SLC16A1: variants seen among roughly 807,000 people sequenced by gnomAD.
The protein encoded by SLC16A1 is monocarboxylate transporter 1.
Under a neutral mutation model 32.2 loss-of-function variants are expected in SLC16A1, and 11 were observed. The ratio of observed to expected loss-of-function variants is 0.34; its 90% confidence interval spans 0.21 to 0.56. The LOEUF is 0.56. Ranked by LOEUF, SLC16A1 falls within the 20% of genes least tolerant of loss-of-function variation. The probability of loss-of-function intolerance (pLI) is 0.87; values close to 1 mark genes in which losing one functional copy is unlikely to be tolerated. For missense variants in SLC16A1, 435 were observed against 615.0 expected (o/e 0.71, Z 3.10); for synonymous variants, 231 against 226.8 (o/e 1.02, Z -0.17).
intron 2 of SLC16A1, chr1:112,923,594 T>C: frequency 7.2e-7 from 1 of 1,379,800 alleles, no homozygotes; most frequent in Non-Finnish European, 1.0e-6. Context: ...ATCCATTGTT[T>C]GGGAACTCCC....
At chr1:112,926,316 C>A (rs1248966171) in intron 2 of SLC16A1, among the ~76,000 whole-genome samples, 1 of 152,214 alleles carries the variant, frequency 6.6e-6, no homozygotes, top group African/African-American at 2.4e-5. Context: ...CGTTGCCAGG[C>A]GCAGTGGCTC....
At chr1:112,925,433 G>A (rs1648906651) in intron 2 of SLC16A1, among the ~76,000 whole-genome samples, 1 of 151,600 alleles carries the variant, frequency 6.6e-6, no homozygotes, top group South Asian at 2.1e-4. Flanking sequence ...AGGCTGGAAT[G>A]CAGTGGTACT....
Position 112,914,135 on chromosome 1 carries a change from T to C in SLC16A1, c.1259A>G (p.Lys420Arg), listed in dbSNP as rs772177840. Residue 420 changes from lysine (K) to arginine (R), a missense_variant, in exon 5 of 5, where the codon AAA (lysine) becomes AGA (arginine). Lys to Arg is a conservative substitution (Grantham distance 26). Transcript: ENST00000369626. ...GRLNDMYGDYKYTYWACGVVL... is the reference protein window; with the variant it reads ...GRLNDMYGDYRYTYWACGVVL... ...GACGCCACATGCCCAGTATGTGTAT[T>C]TGTAGTCTCCATACATGTCATTGAG... 1.2e-6 allele frequency: 2 copies of C among 1,614,230 alleles called. No homozygotes were observed. The highest frequency in any genetic ancestry group is 1.3e-5 in the African/African-American group (1 of 75,068).
chr1:112,925,762 T>G (rs1648917711), intron 2 of SLC16A1, among the ~76,000 whole-genome samples: 1 of 152,226 alleles, frequency 6.6e-6, no homozygotes, highest in South Asian at 2.1e-4. Context: ...GAAAGTCTTA[T>G]CCAAACATAG....
At chr1:112,921,512 AT>A (rs1318428222) in intron 3 of SLC16A1, among the ~76,000 whole-genome samples, 2 of 152,210 alleles carry the variant, frequency 1.3e-5, no homozygotes, top group African/African-American at 4.8e-5. Flanking sequence ...ACATGGAAGG[AT>A]ATACATAGAA....
At chr1:112,936,716 G>T (rs899147849) in intron 1 of SLC16A1, among the ~76,000 whole-genome samples, 3 of 152,088 alleles carry the variant, frequency 2.0e-5, no homozygotes, top group African/African-American at 4.8e-5. Flanking sequence ...TTTGTAGTGG[G>T]AGTAAAAGGC....
chr1:112,952,107 G>A (rs1287418118), intron 1 of SLC16A1, among the ~76,000 whole-genome samples: 1 of 152,066 alleles, frequency 6.6e-6, no homozygotes, highest in Non-Finnish European at 1.5e-5. Flanking sequence ...AACTAAATTT[G>A]TTCAGTCTTC....
intron 1 of SLC16A1, among the ~76,000 whole-genome samples, chr1:112,938,153 G>A (rs1201268978): frequency 6.6e-6 from 1 of 152,178 alleles, no homozygotes. Context: ...TGACCAGTTT[G>A]TGAACTTAAA....
At chr1:112,923,413 TGCC>T (rs753882919) in intron 2 of SLC16A1, 192 of 654,630 alleles carry the variant, frequency 2.9e-4, no homozygotes, top group Non-Finnish European at 4.6e-4. Flanking sequence ...AGTCTCCTGT[TGCC>T]GCCATCATGT....
In SLC16A1 at chr1:112,917,121, C is replaced by G. The variant is rs761231232; in HGVS notation, c.1228+57G>C. 1.2e-6 allele frequency: 2 copies of G among 1,609,636 alleles called. No individual in the cohort carries two copies. Among genetic ancestry groups the G allele is most frequent in the East Asian group, 4.5e-5 (2 of 44,874 alleles). ...CTAATGTTTGCTTTCTGTCAGCATTCCCATCTTACATGCTTGTTTTGTAAT... is the reference window on the plus strand; with the variant it reads ...CTAATGTTTGCTTTCTGTCAGCATTGCCATCTTACATGCTTGTTTTGTAAT... On this transcript the variant is annotated intron_variant, in intron 4 of 4. Transcript: ENST00000369626. This position sits in a 1 kb window ranked among gnomAD's most constrained non-coding sequence, Gnocchi z 4.1.
chr1:112,949,197 G>C (rs971742676), intron 1 of SLC16A1, among the ~76,000 whole-genome samples: 2 of 151,956 alleles, frequency 1.3e-5, no homozygotes, highest in Admixed American at 1.3e-4. Context: ...TTACAGGCAT[G>C]CGTCACCATG....
intron 2 of SLC16A1, among the ~76,000 whole-genome samples, chr1:112,925,483 A>G (rs1009400405): frequency 6.6e-6 from 1 of 151,874 alleles, no homozygotes; most frequent in Non-Finnish European, 1.5e-5. Context: ...GGGCTCATTC[A>G]ATCTGCCTGC....
chr1:112,942,252 G>T (rs1056990730), intron 1 of SLC16A1, among the ~76,000 whole-genome samples: 3 of 152,204 alleles, frequency 2.0e-5, no homozygotes, highest in African/African-American at 7.2e-5. Context: ...GATTACAGGC[G>T]TGAGCCACTG....
Position 112,923,311 on chromosome 1 carries a change from A to C in SLC16A1, c.218-1178T>G, listed in dbSNP as rs1020001350. The stretch of plus-strand genomic sequence containing the variant: ...CAACAAGAGTGAAACTCCGTCTCAA[A>C]AACAAACAAACAGCAATCCCTAAAG... On this transcript the variant is annotated intron_variant, in intron 2 of 4. Coordinates refer to ENST00000369626, the MANE Select transcript of SLC16A1 (RefSeq NM_003051.4). The C allele has an allele frequency of 7.2e-6, 3 of 414,132 alleles. No homozygotes were observed. The Admixed American group carries it at 1.1e-4, about 15-fold the overall frequency. 25.7% of individuals were successfully genotyped at this position (414,132 alleles called of 1,614,324 possible). A position where few individuals can be genotyped will look rare whatever the true frequency, so the allele number is the denominator to read the frequency against.
At chr1:112,925,735 C>CA (rs1392500780) in intron 2 of SLC16A1, among the ~76,000 whole-genome samples, 1 of 152,122 alleles carries the variant, frequency 6.6e-6, no homozygotes, top group Non-Finnish European at 1.5e-5. Flanking sequence ...TTCCAAATTT[C>CA]AAAATCTTAA....
rs879064955 is a variant in SLC16A1, at chr1:112,917,782, A to T, written c.624T>A (p.Asp208Glu). ...IGPKPTKAGK[D>E]KSKASLEKAG... is the part of the protein sequence containing the mutation. ...CTTTCTCAAGGGATGCTTTAGACTT[A>T]TCTTTCCCTGCCTTGGTTGGCTTGG... The change falls in exon 4 of 5, where the codon GAT becomes GAA. Residue 208 changes from aspartate to glutamate, a missense_variant. Around this residue, in one of 2 missense-constraint regions of SLC16A1, gnomAD observed 324 missense variants for 500.3 expected, o/e 0.65. Coordinates refer to ENST00000369626, the MANE Select transcript of SLC16A1 (RefSeq NM_003051.4). The surrounding 1 kb of genome is among the most constrained non-coding windows in gnomAD (Gnocchi z 4.1). 19 of 1,614,084 alleles carry T rather than the reference A, an allele frequency of 1.2e-5. No individual in the cohort carries two copies. The highest frequency in any genetic ancestry group is 1.6e-5 in the Non-Finnish European group (19 of 1,180,050).
chr1:112,914,211 GTTTTT>G (rs147659480), intron 4 of SLC16A1, 46 bp from the exon 5 acceptor site: 2 of 1,590,750 alleles, frequency 1.3e-6, no homozygotes, highest in South Asian at 1.1e-5. Context: ...AGAGTAAACA[GTTTTT>G]TTTTCCCCCA....
intron 1 of SLC16A1, among the ~76,000 whole-genome samples, chr1:112,950,937 C>T (rs751143266): frequency 6.6e-6 from 1 of 151,994 alleles, no homozygotes; most frequent in African/African-American, 2.4e-5. Flanking sequence ...TTACAGGCTG[C>T]AGTGAACCAT....
intron 1 of SLC16A1, among the ~76,000 whole-genome samples, chr1:112,930,150 G>C (rs1385097447): frequency 6.6e-6 from 1 of 152,174 alleles, no homozygotes; most frequent in East Asian, 1.9e-4. Context: ...TAGCTGGTGA[G>C]TCACAAGTAC....
Sources: gnomAD v4.1 joint callset for allele counts (sites outside exome capture counted in the v4.1 genomes callset) on GRCh38, gnomAD v4.1.1 for gene constraint, gnomAD v4.1.1 regional missense constraint, Gnocchi (gnomAD v3.1) non-coding constraint, MANE v1.5 for transcripts, NCBI Gene and HGNC (gene_info 2026-07-23, HGNC 2026-07-21) for gene names.